Variants in MS4A4E observed in about 807,000 individuals in gnomAD.
The protein encoded by MS4A4E is membrane spanning 4-domains A4E, also known as putative membrane-spanning 4-domains subfamily A member 4E.
Under a neutral mutation model 13.3 loss-of-function variants are expected in MS4A4E, and 23 were observed. The ratio of observed to expected loss-of-function variants is 1.73; its 90% confidence interval spans 1.25 to 2.45. MS4A4E has a LOEUF of 2.45. MS4A4E is among the 30% of genes most tolerant of loss of function. The probability of loss-of-function intolerance (pLI) is 0.00; values close to 1 mark genes in which losing one functional copy is unlikely to be tolerated. For missense variants in MS4A4E, 144 were observed against 131.2 expected, an observed-to-expected ratio of 1.10 and a Z score of -0.48; for synonymous variants, 36 against 45.6, an observed-to-expected ratio of 0.79 and a Z score of 0.85.
intron 3 of MS4A4E, among the ~76,000 whole-genome samples, chr11:60,227,945 C>T (rs2084364600): frequency 6.6e-6 from 1 of 151,964 alleles, no homozygotes; most frequent in African/African-American, 2.4e-5. Flanking sequence ...CAAAAATTAA[C>T]TCAAAATAAA....
intron 1 of MS4A4E, among the ~76,000 whole-genome samples, chr11:60,234,851 T>A (rs2084462217): frequency 7.2e-6 from 1 of 139,230 alleles, no homozygotes; most frequent in African/African-American, 2.7e-5. Flanking sequence ...TATAAAGGAA[T>A]TAAATTCTTC....
chr11:60,222,411 C>T (rs183531765), intron 3 of MS4A4E, among the ~76,000 whole-genome samples: 1 of 152,188 alleles, frequency 6.6e-6, no homozygotes, highest in African/African-American at 2.4e-5. Context: ...CCTGAAGCAG[C>T]TGGATTGATA....
At chr11:60,210,043 T>C (rs950256878) in intron 5 of MS4A4E, among the ~76,000 whole-genome samples, 2 of 152,222 alleles carry the variant, frequency 1.3e-5, no homozygotes, top group East Asian at 3.8e-4. Context: ...GACTAGAAGA[T>C]GGCAAGCTTT....
At chr11:60,225,094 CT>C in intron 3 of MS4A4E, 1 of 1,528,572 alleles carries the variant, frequency 6.5e-7, no homozygotes, top group South Asian at 1.2e-5. Context: ...TCCGCACAAC[CT>C]AGAAATGATG....
At chr11:60,203,114 C>T (rs913492638) in intron 8 of MS4A4E, among the ~76,000 whole-genome samples, 10 of 152,072 alleles carry the variant, frequency 6.6e-5, no homozygotes, top group African/African-American at 2.4e-4. Flanking sequence ...TGTTTCTTTT[C>T]CTGAATATTT....
chr11:60,209,411 T>G (rs1219151247), intron 5 of MS4A4E, among the ~76,000 whole-genome samples: 1 of 152,172 alleles, frequency 6.6e-6, no homozygotes, highest in Non-Finnish European at 1.5e-5. Flanking sequence ...GCAGTAAAAC[T>G]TATTGTTGCC....
chr11:60,236,723 T>A (rs1442909389), intron 1 of MS4A4E, among the ~76,000 whole-genome samples: 2 of 152,042 alleles, frequency 1.3e-5, no homozygotes, highest in Non-Finnish European at 2.9e-5. Flanking sequence ...CAGATTATTT[T>A]ATCATCCAGG....
intron 1 of MS4A4E, among the ~76,000 whole-genome samples, chr11:60,232,060 T>G (rs1387906906): frequency 1.3e-5 from 2 of 152,138 alleles, no homozygotes; most frequent in African/African-American, 4.8e-5. Flanking sequence ...GAAAAAATTT[T>G]GCCAATGTGT....
chr11:60,229,706 T>A (rs1368478256), intron 2 of MS4A4E, among the ~76,000 whole-genome samples: 2 of 152,206 alleles, frequency 1.3e-5, no homozygotes, highest in Non-Finnish European at 2.9e-5. Context: ...CTGAAGTCAA[T>A]ATATTTTAAA....
intron 3 of MS4A4E, among the ~76,000 whole-genome samples, chr11:60,217,226 A>G (rs903212878): frequency 2.6e-5 from 4 of 152,150 alleles, no homozygotes; most frequent in Non-Finnish European, 4.4e-5. Context: ...GTGGACACTC[A>G]GACACAAGCT....
intron 5 of MS4A4E, among the ~76,000 whole-genome samples, chr11:60,209,467 C>T (rs917341708): frequency 1.3e-5 from 2 of 152,164 alleles, no homozygotes; most frequent in African/African-American, 4.8e-5. Context: ...TGATTTTAGC[C>T]CAGTGAGACC....
intron 1 of MS4A4E, among the ~76,000 whole-genome samples, chr11:60,238,640 T>C (rs1252478132): frequency 3.3e-5 from 5 of 152,226 alleles, no homozygotes; most frequent in African/African-American, 1.2e-4. Context: ...TTTACTCTAA[T>C]GTGTTTCTAC....
chr11:60,229,820 G>A, intron 2 of MS4A4E, 92 bp downstream of exon 2: 1 of 1,307,850 alleles, frequency 7.6e-7, no homozygotes, highest in Non-Finnish European at 1.0e-6. Context: ...GATGTATTAT[G>A]AGGCTAGCGG....
chr11:60,236,295 T>C (rs2084481419), intron 1 of MS4A4E, among the ~76,000 whole-genome samples: 1 of 152,228 alleles, frequency 6.6e-6, no homozygotes, highest in Non-Finnish European at 1.5e-5. Flanking sequence ...GTCCCTTGTA[T>C]TTCCATATGA....
intron 3 of MS4A4E, among the ~76,000 whole-genome samples, chr11:60,216,577 G>A (rs570219835): frequency 6.6e-6 from 1 of 151,184 alleles, no homozygotes; most frequent in East Asian, 1.9e-4. Flanking sequence ...TTAATAAAAA[G>A]CTATTATTGA....
At chr11:60,221,364 C>T (rs1590716915) in intron 3 of MS4A4E, among the ~76,000 whole-genome samples, 1 of 152,156 alleles carries the variant, frequency 6.6e-6, no homozygotes, top group African/African-American at 2.4e-5. Flanking sequence ...GAGGAAGTGG[C>T]ACAAATGCTC....
At chr11:60,230,142 G>A in intron 1 of MS4A4E, 71 bp from the exon 2 acceptor site, 1 of 1,469,678 alleles carries the variant, frequency 6.8e-7, no homozygotes. Context: ...CTTTGGGGCA[G>A]ATTCCTCCCT....
chr11:60,233,735 C>T (rs2084443177), intron 1 of MS4A4E, among the ~76,000 whole-genome samples: 1 of 152,158 alleles, frequency 6.6e-6, no homozygotes, highest in African/African-American at 2.4e-5. Flanking sequence ...CTTCTAAGAG[C>T]CTCTATTAGG....
At chr11:60,236,072 T>C (rs1035903025) in intron 1 of MS4A4E, among the ~76,000 whole-genome samples, 30 of 152,338 alleles carry the variant, frequency 2.0e-4, no homozygotes, top group Non-Finnish European at 1.9e-4. Context: ...AATCAACTAG[T>C]CATAAATATA....
Sources: gnomAD v4.1 joint callset for allele counts (sites outside exome capture counted in the v4.1 genomes callset) on GRCh38, gnomAD v4.1.1 for gene constraint, MANE v1.5 for transcripts, NCBI Gene and HGNC (gene_info 2026-07-23, HGNC 2026-07-21) for gene names.